KAZN: variants seen among roughly 807,000 people sequenced by gnomAD.
KAZN encodes kazrin.
In KAZN, 40 loss-of-function variants were observed where a neutral mutation model predicts 87.4. The observed-to-expected ratio is 0.46, with a 90% CI of 0.36 to 0.60. The LOEUF is 0.60. Ranked by LOEUF, KAZN falls within the 20% of genes least tolerant of loss-of-function variation. The probability of loss-of-function intolerance (pLI) is 0.00; values close to 1 mark genes in which losing one functional copy is unlikely to be tolerated. For synonymous variants in KAZN, 466 were observed against 458.3 expected (o/e 1.02, Z -0.22); for missense variants, 898 against 1,073.9 (o/e 0.84, Z 2.29).
In KAZN at chr1:15,021,054, G is replaced by A. The variant is rs1342268425; in HGVS notation, c.419-13695G>A. Among the ~76,000 whole-genome samples the A allele has an allele frequency of 1.3e-5, 2 of 152,104 alleles. No homozygotes were observed. Among genetic ancestry groups the A allele is most frequent in the Non-Finnish European group, 2.9e-5 (2 of 68,036 alleles). On this transcript the variant is annotated intron_variant, in intron 2 of 14. Transcript: ENST00000376030. The surrounding 1 kb of genome is among the most constrained non-coding windows in gnomAD (Gnocchi z 4.2). ...GGGGTGAGACCAGTCCATATCACTA[G>A]GCACCCAGGGCAGCTTCCCGATGGA...
chr1:14,204,571 CT>C (rs1481321196), intron 2 of KAZN, among the ~76,000 whole-genome samples: 3 of 152,098 alleles, frequency 2.0e-5, no homozygotes, highest in Non-Finnish European at 1.5e-5. Context: ...TTAATCTTCC[CT>C]TTTCTCTGGC....
At chr1:15,101,977 G>C (rs1641088547) in intron 11 of KAZN, among the ~76,000 whole-genome samples, 1 of 152,146 alleles carries the variant, frequency 6.6e-6, no homozygotes, top group Non-Finnish European at 1.5e-5. Context: ...CAGCCAGTCA[G>C]CCAGCCATCT....
intron 1 of KAZN, among the ~76,000 whole-genome samples, chr1:14,936,862 C>T (rs1660517119): frequency 6.6e-6 from 1 of 152,208 alleles, no homozygotes; most frequent in Non-Finnish European, 1.5e-5. Flanking sequence ...GCTCTGTTCT[C>T]GGTTTTGTGT....
intron 1 of KAZN, among the ~76,000 whole-genome samples, chr1:14,141,247 A>AC (rs1295460178): frequency 1.3e-5 from 2 of 151,372 alleles, no homozygotes; most frequent in Non-Finnish European, 1.5e-5. Flanking sequence ...AAAAAAAAAA[A>AC]AAAAAACAAA....
intron 1 of KAZN, among the ~76,000 whole-genome samples, chr1:13,894,082 G>A (rs940765264): frequency 1.3e-5 from 2 of 152,170 alleles, no homozygotes; most frequent in African/African-American, 4.8e-5. Flanking sequence ...ATCTGATGAT[G>A]CCATGCTGTG....
chr1:14,435,145 C>T (rs1041280719), intron 2 of KAZN, among the ~76,000 whole-genome samples: 3 of 152,158 alleles, frequency 2.0e-5, no homozygotes, highest in Non-Finnish European at 2.9e-5. Context: ...CCTCCAGCAT[C>T]GGTGGCGCTC....
intron 1 of KAZN, among the ~76,000 whole-genome samples, chr1:14,749,724 T>A (rs1271515449): frequency 6.6e-6 from 1 of 152,110 alleles, no homozygotes; most frequent in Admixed American, 6.5e-5. Flanking sequence ...CCATTCAGAT[T>A]GAAAGCTAAC....
chr1:14,140,729 G>A (rs1482577033), intron 1 of KAZN, among the ~76,000 whole-genome samples: 1 of 150,292 alleles, frequency 6.7e-6, no homozygotes, highest in South Asian at 2.2e-4. Context: ...CACGAACCCC[G>A]TCCAGAAGTT....
intron 1 of KAZN, among the ~76,000 whole-genome samples, chr1:14,906,191 T>G: frequency 2.1e-5 from 1 of 47,462 alleles, no homozygotes; most frequent in East Asian, 8.8e-4. Context: ...ATAATAATAA[T>G]AATAATAATA....
chr1:14,428,808 T>A (rs1415194317), intron 2 of KAZN, among the ~76,000 whole-genome samples: 1 of 152,098 alleles, frequency 6.6e-6, no homozygotes, highest in Non-Finnish European at 1.5e-5. Context: ...CCCCCATGAT[T>A]CAATTATCTC....
chr1:14,158,937 C>T (rs1001716707), intron 1 of KAZN, among the ~76,000 whole-genome samples: 1 of 152,046 alleles, frequency 6.6e-6, no homozygotes, highest in Non-Finnish European at 1.5e-5. Flanking sequence ...TTTTTCTTCC[C>T]TTACTTTCTC....
At chr1:14,685,726 C>A (rs188424082) in intron 1 of KAZN, among the ~76,000 whole-genome samples, 27 of 152,234 alleles carry the variant, frequency 1.8e-4, no homozygotes, top group Admixed American at 4.6e-4. Context: ...TAGTTAGATA[C>A]GGTCAAGACA....
At chr1:14,433,838 C>A (rs186948532) in intron 2 of KAZN, among the ~76,000 whole-genome samples, 7 of 152,270 alleles carry the variant, frequency 4.6e-5, no homozygotes, top group Non-Finnish European at 1.0e-4. Context: ...CCAGCGTGAG[C>A]AACTGAGTGA....
chr1:14,394,954 G>A (rs3932686), intron 2 of KAZN, among the ~76,000 whole-genome samples: 37,495 of 152,120 alleles, frequency 0.25, 5,310 homozygotes, highest in Non-Finnish European at 0.33. Context: ...ACTTTGCACT[G>A]CTGTGATGGC....
intron 1 of KAZN, among the ~76,000 whole-genome samples, chr1:14,134,994 CACACACACAT>C (rs1306095943): frequency 2.7e-3 from 146 of 54,872 alleles, no homozygotes; most frequent in African/African-American, 6.2e-3. Context: ...CACACACACA[CACACACACAT>C]GTGCACACAT....
chr1:14,516,053 C>A (rs1259060589), intron 2 of KAZN, among the ~76,000 whole-genome samples: 3 of 152,150 alleles, frequency 2.0e-5, no homozygotes, highest in Non-Finnish European at 4.4e-5. Context: ...GGTACTCCAA[C>A]TGCCTGGCCA....
At position 15,096,121 on chromosome 1, in the gene KAZN, C is replaced by T. The variant is rs1640795858; in HGVS notation, c.1547+1188C>T. ...GTTCCATCCAGGAATCCCCTAAAGC[C>T]ATCCCTGAATCCCCTCACCATCTTT... On this transcript the variant is annotated intron_variant, in intron 10 of 14. Coordinates refer to ENST00000376030, the MANE Select transcript of KAZN (RefSeq NM_201628.3). This position sits in a 1 kb window ranked among gnomAD's most constrained non-coding sequence, Gnocchi z 4.5. 6.6e-6 allele frequency among the ~76,000 whole-genome samples: 1 copy of T among 152,156 alleles called. No individual in the cohort carries two copies. Among genetic ancestry groups the T allele is most frequent in the Non-Finnish European group, 1.5e-5 (1 of 68,016 alleles).
At chr1:14,861,095 A>G (rs1186641001) in intron 1 of KAZN, among the ~76,000 whole-genome samples, 2 of 152,146 alleles carry the variant, frequency 1.3e-5, no homozygotes, top group Admixed American at 6.5e-5. Flanking sequence ...AGTAATAGCA[A>G]AGCCGGGTGC....
At chr1:14,774,294 G>A (rs553488844) in intron 1 of KAZN, among the ~76,000 whole-genome samples, 5 of 152,016 alleles carry the variant, frequency 3.3e-5, no homozygotes, top group Non-Finnish European at 7.4e-5. Flanking sequence ...CTGTAAAATG[G>A]GATCATAATG....
Sources: gnomAD v4.1 joint callset for allele counts (sites outside exome capture counted in the v4.1 genomes callset) on GRCh38, gnomAD v4.1.1 for gene constraint, Gnocchi (gnomAD v3.1) non-coding constraint, MANE v1.5 for transcripts, NCBI Gene and HGNC (gene_info 2026-07-23, HGNC 2026-07-21) for gene names.